Variants in VEZF1 observed in about 807,000 individuals in gnomAD.
VEZF1 encodes the protein putative transcription factor DB1.
A neutral mutation model predicts 44.1 loss-of-function variants in VEZF1; 5 were observed. That is an observed-to-expected ratio of 0.11 (90% CI 0.06 to 0.24). The LOEUF (loss-of-function observed/expected upper bound fraction) is 0.24. Ranked by LOEUF, VEZF1 falls within the 10% of genes least tolerant of loss-of-function variation. The probability of loss-of-function intolerance (pLI) is 1.00; values close to 1 mark genes in which losing one functional copy is unlikely to be tolerated. For synonymous variants in VEZF1, 236 were observed against 233.1 expected, an observed-to-expected ratio of 1.01 and a Z score of -0.11; for missense variants, 358 against 641.8, an observed-to-expected ratio of 0.56 and a Z score of 4.78.
chr17:57,974,965 G>C, intron 5 of VEZF1, 65 bp from the exon 6 acceptor site: 1 of 1,501,966 alleles, frequency 6.7e-7, no homozygotes, highest in African/African-American at 1.4e-5. Context: ...CAAAGTTTCT[G>C]AATCAATTTC....
At chr17:57,980,345 G>A (rs1322626528) in intron 4 of VEZF1, among the ~76,000 whole-genome samples, 1 of 152,202 alleles carries the variant, frequency 6.6e-6, no homozygotes, top group African/African-American at 2.4e-5. Context: ...TTTCTCTACA[G>A]ATTTGGGTTT....
At position 57,972,473 on chromosome 17, in the gene VEZF1, G is replaced by A. The variant is rs776331560; in HGVS notation, c.*2000C>T. On this transcript the variant is annotated 3_prime_UTR_variant, in exon 6 of 6. Transcript: ENST00000581208. Reference sequence around the variant, plus strand: ...GGTCATTCTTGGGCTTTCCCTACACGAGTCCTTCCAGTAGTCCACACATAA... The same window carrying A: ...GGTCATTCTTGGGCTTTCCCTACACAAGTCCTTCCAGTAGTCCACACATAA... 1.3e-5 allele frequency: 2 copies of A among 152,576 alleles called. No individual in the cohort carries two copies. Among genetic ancestry groups the A allele is most frequent in the Non-Finnish European group, 2.9e-5 (2 of 68,036 alleles). The allele number at this position is 152,576 out of a possible 1,614,324, so 9.5% of individuals were successfully genotyped here. A position where few individuals can be genotyped will look rare whatever the true frequency, so the allele number is the denominator to read the frequency against.
rs536772150 is a variant in VEZF1, at chr17:57,988,129, C to T, written c.-18G>A. Reference sequence around the variant, plus strand: ...GCCTCCATGGCTGCGGCGGCCGACCCCCCTCCTCCCCACTCCCCCCGCTCG... The same window carrying T: ...GCCTCCATGGCTGCGGCGGCCGACCTCCCTCCTCCCCACTCCCCCCGCTCG... On this transcript the variant is annotated 5_prime_UTR_variant, in exon 1 of 6. Coordinates refer to ENST00000581208, the MANE Select transcript of VEZF1 (RefSeq NM_007146.3). 673 of 794,246 alleles carry T rather than the reference C, an allele frequency of 8.5e-4. 10 individuals carry two copies. In the African/African-American group the frequency reaches 0.012, roughly 14 times the overall value. The allele number at this position is 794,246 out of a possible 1,614,324, so 49.2% of individuals were successfully genotyped here. A position where few individuals can be genotyped will look rare whatever the true frequency, so the allele number is the denominator to read the frequency against.
chr17:57,983,410 AC>A lies in VEZF1; in HGVS notation c.34-18del, dbSNP rs1228952491. The stretch of plus-strand genomic sequence containing the variant: ...TTCATGGGCCTAAAACCAAACATTT[AC>A]ACTTCAGAAACTCAGCCTCTCACAA... On this transcript the variant is annotated intron_variant, in intron 1 of 5. Coordinates refer to ENST00000581208, the MANE Select transcript of VEZF1 (RefSeq NM_007146.3). The A allele has an allele frequency of 4.4e-6, 7 of 1,578,888 alleles. No individual in the cohort carries two copies. Among genetic ancestry groups the A allele is most frequent in the Non-Finnish European group, 6.0e-6 (7 of 1,168,822 alleles).
In VEZF1 at chr17:57,973,085, T is replaced by A. The variant is rs951681347; in HGVS notation, c.*1388A>T. The A allele has an allele frequency of 1.6e-5, 2 of 125,584 alleles. No individual in the cohort carries two copies. Among genetic ancestry groups the A allele is most frequent in the Non-Finnish European group, 3.4e-5 (2 of 59,192 alleles). 7.8% of individuals were successfully genotyped at this position (125,584 alleles called of 1,614,324 possible). A position where few individuals can be genotyped will look rare whatever the true frequency, so the allele number is the denominator to read the frequency against. ...AATCACAGCATCTTGGTTTAGTTAA[T>A]TTTTTTTTTAACGCAATGCTTTAAA... On this transcript the variant is annotated 3_prime_UTR_variant, in exon 6 of 6. Coordinates refer to ENST00000581208, the MANE Select transcript of VEZF1 (RefSeq NM_007146.3).
intron 1 of VEZF1, among the ~76,000 whole-genome samples, chr17:57,986,482 C>A (rs748133906): frequency 2.6e-5 from 4 of 152,128 alleles, no homozygotes; most frequent in Non-Finnish European, 4.4e-5. Flanking sequence ...TATATCATTT[C>A]TTTTCCAATG....
Position 57,974,907 on chromosome 17 carries a change from T to G in VEZF1, c.1139-7A>C, listed in dbSNP as rs766090324. The G allele has an allele frequency of 6.3e-6, 10 of 1,598,246 alleles. No individual in the cohort carries two copies. The South Asian group carries it at 1.1e-4, about 18-fold the overall frequency. On this transcript the variant is annotated splice_polypyrimidine_tract_variant and splice_region_variant and intron_variant, in intron 5 of 5. Transcript: ENST00000581208. ...TGGCACAGGTTAGCAGCTTCTAAAA[T>G]AAGAAGAAAAAGGGTCTTTAGATTC...
intron 4 of VEZF1, 55 bp downstream of exon 4, chr17:57,980,548 T>G: frequency 1.3e-6 from 2 of 1,511,810 alleles, no homozygotes; most frequent in Non-Finnish European, 1.8e-6. Context: ...TATGAAAACA[T>G]GCATATTTCA....
Position 57,973,437 on chromosome 17 carries a change from T to C in VEZF1, c.*1036A>G, listed in dbSNP as rs2075157511. ...GAAGGGGCATACACTACCTAGTTAGTGGTTAGAATAAAAACTGTATACAAT... is the reference window on the plus strand; with the variant it reads ...GAAGGGGCATACACTACCTAGTTAGCGGTTAGAATAAAAACTGTATACAAT... On this transcript the variant is annotated 3_prime_UTR_variant, in exon 6 of 6. Coordinates refer to ENST00000581208, the MANE Select transcript of VEZF1 (RefSeq NM_007146.3). 2 of 152,636 alleles carry C rather than the reference T, an allele frequency of 1.3e-5. No individual in the cohort carries two copies. The highest frequency in any genetic ancestry group is 4.8e-5 in the African/African-American group (2 of 41,458). The allele number at this position is 152,636 out of a possible 1,614,324, so 9.5% of individuals were successfully genotyped here. A position where few individuals can be genotyped will look rare whatever the true frequency, so the allele number is the denominator to read the frequency against.
chr17:57,977,560 G>A (rs2075203927), intron 5 of VEZF1, among the ~76,000 whole-genome samples: 1 of 152,174 alleles, frequency 6.6e-6, no homozygotes, highest in Non-Finnish European at 1.5e-5. Context: ...GAAAAAGAAT[G>A]TCGCCAGGGC....
At chr17:57,976,422 A>AC (rs1248958043) in intron 5 of VEZF1, among the ~76,000 whole-genome samples, 1 of 152,162 alleles carries the variant, frequency 6.6e-6, no homozygotes, top group African/African-American at 2.4e-5. Flanking sequence ...AAACAAACAA[A>AC]AAAAACCCAA....
intron 1 of VEZF1, chr17:57,986,120 C>G (rs2075290951): frequency 6.6e-6 from 1 of 151,972 alleles, no homozygotes; most frequent in Admixed American, 6.5e-5. Flanking sequence ...ACTTCTCCAT[C>G]AGGTGGAAAA....
intron 5 of VEZF1, among the ~76,000 whole-genome samples, chr17:57,978,115 A>G (rs150610179): frequency 5.9e-5 from 9 of 152,136 alleles, no homozygotes; most frequent in African/African-American, 2.2e-4. Flanking sequence ...AGGCACAAGA[A>G]TCACTTGAAC....
chr17:57,987,494 G>C (rs1298471834), intron 1 of VEZF1, among the ~76,000 whole-genome samples: 1 of 152,224 alleles, frequency 6.6e-6, no homozygotes, highest in Non-Finnish European at 1.5e-5. Context: ...GCGGTGAGGG[G>C]GAGTGGCGGG....
intron 1 of VEZF1, among the ~76,000 whole-genome samples, chr17:57,987,461 G>A (rs1005970804): frequency 2.0e-5 from 3 of 152,216 alleles, no homozygotes; most frequent in African/African-American, 2.4e-5. Flanking sequence ...CCCCCCAACT[G>A]GGTAAACACG....
rs762835316 is a variant in VEZF1 at position 57,983,175 on chromosome 17, C to T, written c.252G>A (p.Arg84=). The T allele has an allele frequency of 1.1e-5, 18 of 1,614,034 alleles. No individual in the cohort carries two copies. In the Admixed American group the frequency reaches 2.8e-4, roughly 25 times the overall value. ...CGTGGCGCCTCAGGTGATAGCTGTC[C>T]CTGAAAGCTTTACTGCAGTAAGTGC... ...FVCTYCSKAF[R]DSYHLRRHES... Residue 84 remains arginine (R), a synonymous_variant, in exon 2 of 6, where the codon AGG becomes AGA. Transcript: ENST00000581208.
intron 1 of VEZF1, chr17:57,986,230 C>T (rs1162970703): frequency 1.3e-5 from 2 of 152,096 alleles, no homozygotes; most frequent in Admixed American, 6.5e-5. Context: ...GAAAAATAAT[C>T]TTTAAAAAAG....
Position 57,980,800 on chromosome 17 carries a change from G to A in VEZF1, c.793-14C>T, listed in dbSNP as rs758005868. On this transcript the variant is annotated splice_polypyrimidine_tract_variant and intron_variant, in intron 3 of 5. Transcript: ENST00000581208. ...AGCAGTGCACGTCTGCATGAGGGAGGAAAACTTTTTTTAAATATAGACTAT... is the reference window on the plus strand; with the variant it reads ...AGCAGTGCACGTCTGCATGAGGGAGAAAAACTTTTTTTAAATATAGACTAT... 24 of 1,613,708 alleles carry A rather than the reference G, an allele frequency of 1.5e-5. No individual in the cohort carries two copies. The highest frequency in any genetic ancestry group is 2.0e-5 in the Non-Finnish European group (24 of 1,179,864).
intron 5 of VEZF1, among the ~76,000 whole-genome samples, chr17:57,975,426 G>A (rs1262738542): frequency 6.6e-6 from 1 of 152,230 alleles, no homozygotes; most frequent in Non-Finnish European, 1.5e-5. Context: ...TACTCAATAA[G>A]TATGTTAAAG....
Sources: gnomAD v4.1 joint callset for allele counts (sites outside exome capture counted in the v4.1 genomes callset) on GRCh38, gnomAD v4.1.1 for gene constraint, MANE v1.5 for transcripts, NCBI Gene and HGNC (gene_info 2026-07-23, HGNC 2026-07-21) for gene names.